The following USP45 variants were observed in gnomAD, a reference collection of about 807,000 sequenced individuals.
USP45 encodes the protein ubiquitin carboxyl-terminal hydrolase 45.
Under a neutral mutation model 95.8 loss-of-function variants are expected in USP45, and 89 were observed. The ratio of observed to expected loss-of-function variants is 0.93; its 90% CI spans 0.78 to 1.11. The LOEUF is 1.11. USP45 is among the 50% of genes least tolerant of loss of function. The pLI is 0.00. For synonymous variants in USP45, 281 were observed against 316.2 expected (o/e 0.89, Z 1.18); for missense variants, 898 against 942.5 (o/e 0.95, Z 0.62).
Position 99,446,128 on chromosome 6 carries a change from A to T in USP45, c.1644T>A (p.Thr548=). Reference sequence around the variant, plus strand: ...CTGCCATTTCCTTATCACCACTGTCAGTCTCCTTGGTGTACAGCAGTTTAC... The same window carrying T: ...CTGCCATTTCCTTATCACCACTGTCTGTCTCCTTGGTGTACAGCAGTTTAC... ...SAGKLLYTKE[T]DSGDKEMAEA... is the part of the protein sequence containing the mutation. Residue 548 remains threonine, a synonymous_variant, in exon 14 of 18, where the codon ACT becomes ACA. Transcript: ENST00000500704. 2 of 1,614,160 alleles carry T rather than the reference A, an allele frequency of 1.2e-6. No homozygotes were observed. The highest frequency in any genetic ancestry group is 1.7e-6 in the Non-Finnish European group (2 of 1,180,028).
At chr6:99,514,055 A>G (rs1800541738) in intron 1 of USP45, among the ~76,000 whole-genome samples, 1 of 152,218 alleles carries the variant, frequency 6.6e-6, no homozygotes, top group Non-Finnish European at 1.5e-5. Flanking sequence ...ATACAAATTT[A>G]CAAAACTGTG....
chr6:99,437,119 T>TCAA (rs78809866), intron 17 of USP45, 127 bp downstream of exon 17: 182 of 1,026,370 alleles, frequency 1.8e-4, no homozygotes, highest in Admixed American at 1.2e-3. Flanking sequence ...AATCAATCAA[T>TCAA]TAAGTTAAAA....
chr6:99,476,232 T>C lies in USP45; in HGVS notation c.846-2A>G, dbSNP rs1309691600. 6.2e-7 allele frequency: 1 copy of C among 1,613,384 alleles called. No homozygotes were observed. The highest frequency in any genetic ancestry group is 2.2e-5 in the East Asian group (1 of 44,856). On this transcript the variant is annotated splice_acceptor_variant, in intron 8 of 17. Transcript: ENST00000500704. LOFTEE classifies it high-confidence loss of function. ...TGGAAATCTTTAAATCGAGGTGCCC[T>C]GTGATTTAAAAACAAAAGAGGAAAG...
At chr6:99,449,410 A>C (rs1783328955) in intron 13 of USP45, among the ~76,000 whole-genome samples, 1 of 152,220 alleles carries the variant, frequency 6.6e-6, no homozygotes. Context: ...ACAAAGATCA[A>C]AAGAGAAAGA....
chr6:99,489,363 T>A (rs565482386), intron 5 of USP45, among the ~76,000 whole-genome samples: 21 of 152,164 alleles, frequency 1.4e-4, no homozygotes, highest in Non-Finnish European at 2.9e-4. Flanking sequence ...ATTCACAGAA[T>A]GAATCTGAAT....
chr6:99,472,453 C>T (rs943350833), intron 9 of USP45, among the ~76,000 whole-genome samples: 9 of 151,930 alleles, frequency 5.9e-5, no homozygotes, highest in Non-Finnish European at 1.2e-4. Flanking sequence ...TGACCTCAGG[C>T]GATCTGCCCA....
chr6:99,452,758 C>A (rs1202760605), intron 13 of USP45, among the ~76,000 whole-genome samples: 1 of 152,136 alleles, frequency 6.6e-6, no homozygotes, highest in Non-Finnish European at 1.5e-5. Context: ...TTCACAATAG[C>A]AAAGACTTGG....
intron 7 of USP45, among the ~76,000 whole-genome samples, chr6:99,487,561 G>A (rs368068551): frequency 5.9e-4 from 89 of 151,038 alleles, no homozygotes; most frequent in African/African-American, 1.9e-3. Context: ...AGGCCGAGGC[G>A]GGTGGATCAC....
intron 8 of USP45, among the ~76,000 whole-genome samples, chr6:99,476,920 A>C (rs1791018047): frequency 6.6e-6 from 1 of 152,230 alleles, no homozygotes; most frequent in South Asian, 2.1e-4. Flanking sequence ...ATCAGGTACT[A>C]TTCATGGAGA....
chr6:99,443,820 T>C (rs1781968057), intron 14 of USP45, among the ~76,000 whole-genome samples, 158 bp from the exon 15 acceptor site: 1 of 152,110 alleles, frequency 6.6e-6, no homozygotes, highest in Non-Finnish European at 1.5e-5. Flanking sequence ...CCTAAAACTC[T>C]GCTAAAATGA....
rs1780142243 is a variant in USP45 at position 99,434,329 on chromosome 6, A to G, written c.*1387T>C. ...TTTCCATACCTTATCTGCAGCCACT[A>G]TTCTTATCCTTTCTTCCCAGGAGGA... On this transcript the variant is annotated 3_prime_UTR_variant, in exon 18 of 18. Transcript: ENST00000500704. The G allele has an allele frequency of 6.6e-6, 1 of 152,152 alleles. No homozygotes were observed. The highest frequency in any genetic ancestry group is 2.1e-4 in the South Asian group (1 of 4,818). The allele number at this position is 152,152 out of a possible 1,614,324, so 9.4% of individuals were successfully genotyped here. A position where few individuals can be genotyped will look rare whatever the true frequency, so the allele number is the denominator to read the frequency against.
intron 13 of USP45, chr6:99,461,319 TG>T: frequency 6.1e-6 from 6 of 985,398 alleles, no homozygotes; most frequent in Non-Finnish European, 7.2e-6. Flanking sequence ...AAATAGCCTA[TG>T]GAATAGACTT....
intron 9 of USP45, among the ~76,000 whole-genome samples, chr6:99,469,868 C>T (rs1044165903): frequency 5.3e-5 from 8 of 152,014 alleles, no homozygotes; most frequent in African/African-American, 1.9e-4. Flanking sequence ...GCTGGGATTA[C>T]AGGTGGTGCC....
At chr6:99,470,106 A>G (rs4840046) in intron 9 of USP45, among the ~76,000 whole-genome samples, 149,119 of 152,268 alleles carry the variant, frequency 0.98, 73,092 homozygotes, top group East Asian at 1. Context: ...AGTGACACCT[A>G]TACATCAGAT....
intron 5 of USP45, among the ~76,000 whole-genome samples, chr6:99,494,351 T>C (rs1795844700): frequency 6.6e-6 from 1 of 152,234 alleles, no homozygotes. Flanking sequence ...TGTACATCTC[T>C]GTAGTTTACC....
At chr6:99,479,073 G>A (rs1791639243) in intron 8 of USP45, among the ~76,000 whole-genome samples, 2 of 151,416 alleles carry the variant, frequency 1.3e-5, no homozygotes, top group Admixed American at 1.3e-4. Context: ...AGAGGTTCTA[G>A]AGAAAGGGAT....
At chr6:99,472,370 C>A (rs999017830) in intron 9 of USP45, among the ~76,000 whole-genome samples, 1 of 152,044 alleles carries the variant, frequency 6.6e-6, no homozygotes, top group Non-Finnish European at 1.5e-5. Context: ...CACGCATCAC[C>A]ATGCTTGGCT....
rs773687208 is a variant in USP45, at chr6:99,484,004, G to GT, written c.715-1122dup. On this transcript the variant is annotated intron_variant, in intron 7 of 17. Transcript: ENST00000500704. ...AAAGGACAGGCTATAATTTTCCATA[G>GT]TTTTTTTTTTTTTTTTTTTTTAAAG... 1.9e-3 allele frequency among the ~76,000 whole-genome samples: 177 copies of GT among 91,464 alleles called. 1 individual carries two copies. Among genetic ancestry groups the GT allele is most frequent in the Non-Finnish European group, 2.5e-3 (127 of 51,584 alleles). The allele number at this position is 91,464 out of a possible 152,430, so 60.0% of individuals were successfully genotyped here.
At chr6:99,484,371 G>A (rs1029972281) in intron 7 of USP45, among the ~76,000 whole-genome samples, 1 of 140,420 alleles carries the variant, frequency 7.1e-6, no homozygotes, top group Non-Finnish European at 1.5e-5. Context: ...GTAGAGGGGG[G>A]GTCTCACTTT....
Sources: gnomAD v4.1 joint callset for allele counts (sites outside exome capture counted in the v4.1 genomes callset) on GRCh38, gnomAD v4.1.1 for gene constraint, MANE v1.5 for transcripts, NCBI Gene and HGNC (gene_info 2026-07-23, HGNC 2026-07-21) for gene names.